Variants in LIPI observed in about 807,000 individuals in gnomAD.
LIPI encodes the protein lipase member I.
LIPI carries 59 observed loss-of-function variants against 50.6 expected under a neutral mutation model. The observed-to-expected ratio is 1.16, with a 90% CI of 0.94 to 1.45. LIPI has a LOEUF of 1.45. LIPI is among the 40% of genes most tolerant of loss of function. The pLI, the probability that LIPI is intolerant of heterozygous loss-of-function variation, is 0.00. For missense variants in LIPI, 586 were observed against 536.3 expected (o/e 1.09, Z -0.92); for synonymous variants, 203 against 178.2 (o/e 1.14, Z -1.11).
chr21:14,182,678 G>A (rs1019211532), intron 3 of LIPI, among the ~76,000 whole-genome samples: 2 of 150,974 alleles, frequency 1.3e-5, no homozygotes, highest in African/African-American at 4.9e-5. Flanking sequence ...ACCTCTTCAA[G>A]GAGAACTACA....
rs867746740 is a variant in LIPI, at chr21:14,185,996, C to T, written c.506G>A (p.Gly169Glu). ...TCCAAGTTGACCATGAAATATCTTTCCAACAAATCCACTGATATGAGCCCC... is the reference window on the plus strand; with the variant it reads ...TCCAAGTTGACCATGAAATATCTTTTCAACAAATCCACTGATATGAGCCCC... ...SLGAHISGFV[G>E]KIFHGQLGRI... Residue 169 changes from glycine (G) to glutamate (E), a missense_variant, in exon 3 of 10, where the codon GGA becomes GAA. Gly to Glu is a moderately conservative substitution (Grantham distance 98). Coordinates refer to ENST00000681601, the MANE Select transcript of LIPI (RefSeq NM_001302998.2). 2 of 1,597,398 alleles carry T rather than the reference C, an allele frequency of 1.3e-6. No individual in the cohort carries two copies. The highest frequency in any genetic ancestry group is 1.7e-6 in the Non-Finnish European group (2 of 1,165,352).
intron 4 of LIPI, among the ~76,000 whole-genome samples, chr21:14,179,223 A>G (rs1489864261): frequency 6.6e-6 from 1 of 152,168 alleles, no homozygotes. Context: ...CAACTGAATA[A>G]AAATGAGGAT....
In LIPI at chr21:14,134,217, T is replaced by C. The variant is rs572907099; in HGVS notation, c.1295+10406A>G. 1.5e-3 allele frequency among the ~76,000 whole-genome samples: 231 copies of C among 152,102 alleles called. 1 individual carries two copies. Among genetic ancestry groups the C allele is most frequent in the African/African-American group, 5.4e-3 (222 of 41,482 alleles). Reference sequence around the variant, plus strand: ...GTATACTTCAGCCTGGATGATAGAATGAGATTCTGTCAAAAAAACAAAACA... The same window carrying C: ...GTATACTTCAGCCTGGATGATAGAACGAGATTCTGTCAAAAAAACAAAACA... On this transcript the variant is annotated intron_variant, in intron 9 of 9. Coordinates refer to ENST00000681601, the MANE Select transcript of LIPI (RefSeq NM_001302998.2).
At chr21:14,202,288 C>T (rs1482785570) in intron 1 of LIPI, among the ~76,000 whole-genome samples, 7 of 152,174 alleles carry the variant, frequency 4.6e-5, no homozygotes, top group Non-Finnish European at 8.8e-5. Context: ...ATGCCATCCC[C>T]ATCAAGCTAC....
chr21:14,183,300 C>A (rs1055005970), intron 3 of LIPI, among the ~76,000 whole-genome samples: 4 of 152,172 alleles, frequency 2.6e-5, no homozygotes, highest in Admixed American at 2.6e-4. Context: ...GGATCCCTTC[C>A]TTACACCTTA....
intron 4 of LIPI, among the ~76,000 whole-genome samples, chr21:14,177,765 T>C (rs116700095): frequency 0.027 from 4,121 of 152,180 alleles, 183 homozygotes; most frequent in African/African-American, 0.093. Flanking sequence ...TAAAACATTA[T>C]TAATAGTATT....
intron 1 of LIPI, among the ~76,000 whole-genome samples, chr21:14,197,770 C>A (rs1204078794): frequency 3.3e-5 from 5 of 151,812 alleles, no homozygotes; most frequent in African/African-American, 9.7e-5. Context: ...ATGCAAAGAA[C>A]CTCAGTAAGA....
chr21:14,153,387 A>C (rs2018167657), intron 7 of LIPI, among the ~76,000 whole-genome samples: 1 of 152,188 alleles, frequency 6.6e-6, no homozygotes, highest in South Asian at 2.1e-4. Flanking sequence ...CTCACTTTGA[A>C]GTTACCTCAC....
At chr21:14,170,317 C>T (rs1463188749) in intron 4 of LIPI, among the ~76,000 whole-genome samples, 1 of 152,184 alleles carries the variant, frequency 6.6e-6, no homozygotes, top group African/African-American at 2.4e-5. Flanking sequence ...CCTTCTGAAA[C>T]TATTCCAATC....
chr21:14,163,332 G>T, intron 7 of LIPI, 87 bp downstream of exon 7: 1 of 693,508 alleles, frequency 1.4e-6, no homozygotes, highest in South Asian at 1.6e-5. Flanking sequence ...GAATTTGAGT[G>T]GGTGCAAAGA....
At chr21:14,158,277 C>T (rs1359539275) in intron 7 of LIPI, among the ~76,000 whole-genome samples, 1 of 151,586 alleles carries the variant, frequency 6.6e-6, no homozygotes, top group East Asian at 1.9e-4. Context: ...TAAAATTAAT[C>T]TAAAGGTCAG....
chr21:14,134,548 A>G (rs531614131), intron 9 of LIPI, among the ~76,000 whole-genome samples: 1 of 152,332 alleles, frequency 6.6e-6, no homozygotes, highest in African/African-American at 2.4e-5. Context: ...ATTATACTAC[A>G]AGGCTAGAGT....
intron 4 of LIPI, among the ~76,000 whole-genome samples, chr21:14,169,597 C>A (rs2018817632): frequency 6.6e-6 from 1 of 152,218 alleles, no homozygotes; most frequent in South Asian, 2.1e-4. Context: ...ACTGAACAAT[C>A]TGCTCCTGAA....
chr21:14,209,704 A>G (rs1332884359), intron 1 of LIPI, among the ~76,000 whole-genome samples: 2 of 152,126 alleles, frequency 1.3e-5, no homozygotes, highest in Admixed American at 6.5e-5. Context: ...ATAAATACTA[A>G]TCAAAACAAT....
intron 7 of LIPI, among the ~76,000 whole-genome samples, chr21:14,155,302 G>T (rs2018235579): frequency 6.6e-6 from 1 of 151,850 alleles, no homozygotes; most frequent in Non-Finnish European, 1.5e-5. Flanking sequence ...GAGAAAAAAA[G>T]ATGGAGAAAA....
intron 3 of LIPI, among the ~76,000 whole-genome samples, chr21:14,184,342 G>A (rs556413640): frequency 6.6e-6 from 1 of 152,234 alleles, no homozygotes; most frequent in Admixed American, 6.5e-5. Context: ...GGGGGAAGTG[G>A]GGAGGGATAG....
intron 9 of LIPI, among the ~76,000 whole-genome samples, chr21:14,135,186 C>G (rs1333187905): frequency 6.6e-6 from 1 of 152,076 alleles, no homozygotes; most frequent in African/African-American, 2.4e-5. Context: ...TATGAGAAAA[C>G]AGTTGACATC....
chr21:14,114,299 G>C (rs1447127849), intron 9 of LIPI, among the ~76,000 whole-genome samples: 1 of 152,098 alleles, frequency 6.6e-6, no homozygotes, highest in Non-Finnish European at 1.5e-5. Context: ...TGACATGTGG[G>C]GATTATGGGA....
chr21:14,173,504 G>T (rs2018992249), intron 4 of LIPI, among the ~76,000 whole-genome samples: 1 of 152,182 alleles, frequency 6.6e-6, no homozygotes, highest in Admixed American at 6.5e-5. Context: ...GGGCTAGCAA[G>T]CTCAGAATAC....
Sources: allele counts gnomAD v4.1 joint callset (sites outside exome capture counted in the v4.1 genomes callset), GRCh38; gene constraint gnomAD v4.1.1; transcripts MANE v1.5; gene names NCBI Gene and HGNC (gene_info 2026-07-23, HGNC 2026-07-21).